Variants in RIMS2 observed in about 807,000 individuals in gnomAD.
The protein encoded by RIMS2 is regulating synaptic membrane exocytosis protein 2.
Under a neutral mutation model 174.4 loss-of-function variants are expected in RIMS2, and 59 were observed. That is an observed-to-expected ratio of 0.34 (90% CI 0.27 to 0.42). The LOEUF (loss-of-function observed/expected upper bound fraction) is 0.42. Ranked by LOEUF, RIMS2 falls within the 10% of genes least tolerant of loss-of-function variation. RIMS2 has a pLI of 1.00. For synonymous variants in RIMS2, 606 were observed against 572.5 expected (o/e 1.06, Z -0.84); for missense variants, 1,620 against 1,666.3 (o/e 0.97, Z 0.48).
chr8:104,059,739 G>A (rs373722086), intron 19 of RIMS2, among the ~76,000 whole-genome samples: 27,619 of 150,166 alleles, frequency 0.18, 3,222 homozygotes, highest in Non-Finnish European at 0.26. Context: ...TTTGAGATAC[G>A]TCCCATCAAT....
chr8:103,715,873 AT>A (rs1221912387), intron 2 of RIMS2, among the ~76,000 whole-genome samples: 1 of 152,176 alleles, frequency 6.6e-6, no homozygotes, highest in African/African-American at 2.4e-5. Flanking sequence ...TTGATAGTAT[AT>A]GATGAAATTA....
intron 2 of RIMS2, among the ~76,000 whole-genome samples, 180 bp from the exon 6 acceptor site, chr8:103,766,047 A>T (rs1046170952): frequency 2.8e-4 from 42 of 152,190 alleles, no homozygotes; most frequent in Middle Eastern, 3.2e-3. Context: ...CATTAGAATT[A>T]TTCAGAAAAA....
chr8:103,910,097 A>G (rs1217113842), intron 4 of RIMS2: 1 of 1,318,728 alleles, frequency 7.6e-7, no homozygotes, highest in Non-Finnish European at 1.1e-6. Flanking sequence ...TTTTTTCACC[A>G]TCTCCTTTAC....
At chr8:103,960,837 G>A (rs780967511) in intron 14 of RIMS2, among the ~76,000 whole-genome samples, 25 of 152,060 alleles carry the variant, frequency 1.6e-4, no homozygotes, top group Non-Finnish European at 5.9e-5. Flanking sequence ...TTATACATCT[G>A]CAGAATAATA....
chr8:104,017,130 ATT>A (rs150701560), intron 19 of RIMS2, among the ~76,000 whole-genome samples: 1 of 149,810 alleles, frequency 6.7e-6, no homozygotes, highest in South Asian at 2.1e-4. Flanking sequence ...AGATTATGCA[ATT>A]TTTTTTTTAG....
intron 1 of RIMS2, among the ~76,000 whole-genome samples, chr8:103,548,129 TGAG>T (rs1167421021): frequency 3.9e-5 from 6 of 152,106 alleles, no homozygotes. Context: ...CCAAAACAAC[TGAG>T]GAGAAGGGAC....
intron 1 of RIMS2, among the ~76,000 whole-genome samples, chr8:103,663,150 C>T (rs1054136841): frequency 3.5e-4 from 52 of 150,364 alleles, no homozygotes; most frequent in African/African-American, 1.2e-3. Context: ...GCCTGGGTGA[C>T]AGAGTGTGAG....
intron 1 of RIMS2, among the ~76,000 whole-genome samples, chr8:103,643,461 T>C (rs927062872): frequency 3.3e-5 from 5 of 152,118 alleles, no homozygotes; most frequent in Non-Finnish European, 7.4e-5. Context: ...CCTTGTAATT[T>C]GTTATTGAAA....
chr8:104,015,290 C>A, intron 19 of RIMS2: 1 of 470,366 alleles, frequency 2.1e-6, no homozygotes, highest in Non-Finnish European at 3.7e-6. Context: ...AAGTTTAAAT[C>A]ATTTAACTTT....
chr8:104,124,296 A>G (rs2098410579), intron 19 of RIMS2, among the ~76,000 whole-genome samples: 1 of 152,138 alleles, frequency 6.6e-6, no homozygotes, highest in African/African-American at 2.4e-5. Context: ...AGTATTATCT[A>G]TTATCTGCTT....
intron 3 of RIMS2, among the ~76,000 whole-genome samples, chr8:103,814,397 A>G (rs1238936398): frequency 6.6e-6 from 1 of 152,046 alleles, no homozygotes; most frequent in Non-Finnish European, 1.5e-5. Context: ...ATGTACCCCT[A>G]AACTTAAAAT....
intron 3 of RIMS2, among the ~76,000 whole-genome samples, chr8:103,801,114 A>G (rs532698120): frequency 6.6e-6 from 1 of 152,200 alleles, no homozygotes; most frequent in South Asian, 2.1e-4. Context: ...CCTCCCAAGT[A>G]GCTGGGACTA....
intron 1 of RIMS2, among the ~76,000 whole-genome samples, chr8:103,643,835 G>A (rs915106087): frequency 2.0e-5 from 3 of 151,958 alleles, no homozygotes; most frequent in African/African-American, 7.2e-5. Context: ...TCCCTACATT[G>A]AAGGCTAGAG....
In RIMS2 at chr8:104,148,851, A is replaced by G. The variant is rs763183297; in HGVS notation, c.3335-96065A>G. 3.1e-6 allele frequency: 5 copies of G among 1,595,666 alleles called. No individual in the cohort carries two copies. The highest frequency in any genetic ancestry group is 2.2e-5 in the East Asian group (1 of 44,808). On this transcript the variant is annotated intron_variant, in intron 19 of 23. Transcript: ENST00000504942. ...TGCTTCTCAGCTCAGCCAAACGGGT[A>G]GGAATTTCAATGTTACTTTTAACTT...
chr8:104,180,173 G>A (rs2098931762), intron 19 of RIMS2, among the ~76,000 whole-genome samples: 2 of 151,684 alleles, frequency 1.3e-5, no homozygotes, highest in Admixed American at 6.6e-5. Context: ...ATGTATGTAT[G>A]ATTTATCTGT....
chr8:103,949,205 A>G (rs1343171216), intron 14 of RIMS2, among the ~76,000 whole-genome samples: 1 of 151,930 alleles, frequency 6.6e-6, no homozygotes. Flanking sequence ...AGAAAAGAAA[A>G]TGCAGTAATA....
chr8:103,921,002 G>GCAACAACAACAACAACAACAA (rs112922890), intron 9 of RIMS2: 1 of 195,068 alleles, frequency 5.1e-6, no homozygotes, highest in African/African-American at 2.6e-5. Flanking sequence ...CTGTCTCAAA[G>GCAACAACAACAACAACAACAA]CAACAACAAC....
At chr8:103,909,321 A>G (rs943216312) in intron 4 of RIMS2, among the ~76,000 whole-genome samples, 2 of 152,020 alleles carry the variant, frequency 1.3e-5, no homozygotes, top group Non-Finnish European at 2.9e-5. Context: ...AGATAAAAAT[A>G]TTTTATATTT....
At position 103,529,311 on chromosome 8, in the gene RIMS2, C is replaced by G. The variant is rs192665981; in HGVS notation, c.176+28249C>G. ...TTTTGGGTTGCTTTGTCTACCTACT[C>G]AAGCCTCAGCAATGGCGGGTGCCCC... is the stretch of plus-strand genomic sequence containing the variant. On this transcript the variant is annotated intron_variant, in intron 1 of 23. Coordinates refer to ENST00000504942, the Ensembl canonical transcript of RIMS2. Among the ~76,000 whole-genome samples, 39 of 152,330 alleles carry G rather than the reference C, an allele frequency of 2.6e-4. 1 individual carries two copies. The highest frequency in any genetic ancestry group is 2.4e-3 in the Admixed American group (36 of 15,306).
Sources: gnomAD v4.1 joint callset for allele counts (sites outside exome capture counted in the v4.1 genomes callset) on GRCh38, gnomAD v4.1.1 for gene constraint, MANE v1.5 for transcripts, NCBI Gene and HGNC (gene_info 2026-07-23, HGNC 2026-07-21) for gene names.